The following RNF130 variants were observed in gnomAD, a reference collection of about 807,000 sequenced individuals.
RNF130 encodes E3 ubiquitin-protein ligase RNF130.
Under a neutral mutation model 44.6 loss-of-function variants are expected in RNF130, and 21 were observed. That is an observed-to-expected ratio of 0.47 (90% confidence interval 0.33 to 0.68). RNF130 has a LOEUF of 0.68. Ranked by LOEUF, RNF130 falls within the 30% of genes least tolerant of loss-of-function variation. The pLI is 0.02. For synonymous variants in RNF130, 214 were observed against 210.4 expected (o/e 1.02, Z -0.15); for missense variants, 479 against 560.6 (o/e 0.85, Z 1.47).
chr5:179,985,249 C>G (rs992727748), intron 3 of RNF130, among the ~76,000 whole-genome samples: 8 of 142,624 alleles, frequency 5.6e-5, no homozygotes, highest in Non-Finnish European at 1.0e-4. Flanking sequence ...TGTACTACGT[C>G]TGGACACAGT....
At chr5:179,913,209 G>A (rs1761493352) in exon 8 of RNF130, 1 of 152,372 alleles carries the variant, frequency 6.6e-6, no homozygotes, top group Non-Finnish European at 1.5e-5. Context: ...CGCTTTCACA[G>A]GGGTGGCTGG....
intron 3 of RNF130, among the ~76,000 whole-genome samples, chr5:179,985,153 C>CTTTTTTTT (rs34998254): frequency 4.3e-5 from 4 of 91,968 alleles, no homozygotes; most frequent in African/African-American, 8.6e-5. Context: ...TACCCCCTAA[C>CTTTTTTTT]TTTTTTTTTT....
chr5:179,968,434 G>A (rs1762501003), intron 6 of RNF130, among the ~76,000 whole-genome samples: 1 of 152,174 alleles, frequency 6.6e-6, no homozygotes, highest in Admixed American at 6.5e-5. Flanking sequence ...GGGAGGCCGA[G>A]AAGGGCAGAT....
At chr5:180,017,395 T>TTAATTAATAAGCAC (rs2113096642) in intron 2 of RNF130, among the ~76,000 whole-genome samples, 1 of 152,012 alleles carries the variant, frequency 6.6e-6, no homozygotes, top group East Asian at 1.9e-4. Context: ...AATGTTTTCC[T>TTAATTAATAAGCAC]CTTAATTAAT....
At chr5:179,931,371 C>T (rs919480618) in intron 7 of RNF130, among the ~76,000 whole-genome samples, 1 of 152,162 alleles carries the variant, frequency 6.6e-6, no homozygotes, top group African/African-American at 2.4e-5. Context: ...CAGTTCTGCA[C>T]ATTTTCTGTG....
At chr5:180,039,025 T>C (rs1268358845) in intron 2 of RNF130, among the ~76,000 whole-genome samples, 1 of 152,136 alleles carries the variant, frequency 6.6e-6, no homozygotes, top group African/African-American at 2.4e-5. Context: ...TACCCTCGAG[T>C]CCTGTGTTTC....
Position 180,013,304 on chromosome 5 carries a change from T to A in RNF130, c.450A>T (p.Gly150=). ...EPVTMTHPGT[G]DIIAVMITEL... The stretch of plus-strand genomic sequence containing the variant: ...CTGTTATCATGACAGCAATAATATC[T>A]CCAGTGCCTGCAATATAAAATAAAT... Residue 150 remains glycine (G), a synonymous_variant, in exon 3 of 9, where the codon GGA becomes GGT. Transcript: ENST00000521389. 6.2e-7 allele frequency: 1 copy of A among 1,605,316 alleles called. No homozygotes were observed. Among genetic ancestry groups the A allele is most frequent in the Non-Finnish European group, 8.5e-7 (1 of 1,175,636 alleles).
At chr5:180,064,592 C>T (rs149305947) in intron 1 of RNF130, among the ~76,000 whole-genome samples, 119 of 152,252 alleles carry the variant, frequency 7.8e-4, no homozygotes, top group African/African-American at 2.5e-3. Context: ...TCTTCATCTC[C>T]CCTTCTTCCC....
chr5:180,023,498 A>G (rs2113108559), intron 2 of RNF130, among the ~76,000 whole-genome samples: 1 of 152,366 alleles, frequency 6.6e-6, no homozygotes, highest in Admixed American at 6.5e-5. Context: ...CACATCTTAC[A>G]GCACCAGAAA....
exon 8 of RNF130, chr5:179,911,726 T>C (rs1041021224): frequency 5.3e-5 from 8 of 152,252 alleles, no homozygotes; most frequent in African/African-American, 1.9e-4. Flanking sequence ...ACTGTTGGCA[T>C]ATAGGTATAT....
chr5:180,062,734 T>G (rs1765016303), intron 1 of RNF130, among the ~76,000 whole-genome samples: 1 of 152,212 alleles, frequency 6.6e-6, no homozygotes, highest in Non-Finnish European at 1.5e-5. Context: ...TGTGGTAGAC[T>G]TCTGTCACAT....
At chr5:180,033,048 A>C (rs1226693239) in intron 2 of RNF130, among the ~76,000 whole-genome samples, 2 of 151,926 alleles carry the variant, frequency 1.3e-5, no homozygotes, top group East Asian at 1.9e-4. Context: ...ATCTGGGCTC[A>C]CCACAACCTC....
chr5:179,933,526 AC>A (rs1027121940), intron 7 of RNF130, among the ~76,000 whole-genome samples: 2 of 147,172 alleles, frequency 1.4e-5, no homozygotes, highest in African/African-American at 2.5e-5. Flanking sequence ...TTAATTTAAA[AC>A]TTTTTTTTTT....
chr5:179,984,078 T>C (rs1366584662), intron 3 of RNF130, among the ~76,000 whole-genome samples: 1 of 152,186 alleles, frequency 6.6e-6, no homozygotes. Flanking sequence ...AATTCAATTA[T>C]TCATTACTCA....
chr5:180,047,697 T>C (rs537344523), intron 1 of RNF130, among the ~76,000 whole-genome samples: 13 of 152,240 alleles, frequency 8.5e-5, no homozygotes, highest in African/African-American at 3.1e-4. Context: ...TGAGCCGAGA[T>C]TGCACCACTC....
intron 2 of RNF130, among the ~76,000 whole-genome samples, chr5:180,023,132 A>C (rs1238373088): frequency 6.6e-6 from 1 of 152,224 alleles, no homozygotes. Context: ...AAGGAGAGAG[A>C]GCTACAATGA....
downstream of RNF130, among the ~76,000 whole-genome samples, chr5:179,952,516 A>AT (rs575139991): frequency 5.6e-4 from 85 of 152,346 alleles, no homozygotes; most frequent in Non-Finnish European, 9.6e-4. Context: ...CAGCATTACA[A>AT]TAATACCAAG....
intron 7 of RNF130, among the ~76,000 whole-genome samples, chr5:179,929,812 G>T (rs1761779517): frequency 6.6e-6 from 1 of 152,074 alleles, no homozygotes; most frequent in African/African-American, 2.4e-5. Flanking sequence ...CCACCCACTG[G>T]GGTGTGACCG....
At chr5:180,045,610 T>C (rs958195316) in intron 1 of RNF130, among the ~76,000 whole-genome samples, 1 of 152,208 alleles carries the variant, frequency 6.6e-6, no homozygotes, top group African/African-American at 2.4e-5. Context: ...TGGTCAATTT[T>C]ACAGAGAGCT....
Sources: allele counts gnomAD v4.1 joint callset (sites outside exome capture counted in the v4.1 genomes callset), GRCh38; gene constraint gnomAD v4.1.1; transcripts MANE v1.5; gene names NCBI Gene and HGNC (gene_info 2026-07-23, HGNC 2026-07-21).